Variants in RSRC1 observed in about 807,000 individuals in gnomAD.
RSRC1 encodes arginine and serine rich coiled-coil 1, also known as serine/Arginine-related protein 53.
Under a neutral mutation model 49.1 loss-of-function variants are expected in RSRC1, and 39 were observed. That is an observed-to-expected ratio of 0.79 (90% confidence interval 0.61 to 1.04). The LOEUF (loss-of-function observed/expected upper bound fraction) is 1.04, where lower values mean the gene tolerates loss of function less well. Among genes scored for constraint, RSRC1 ranks in the 50% least tolerant of loss-of-function variants. RSRC1 has a pLI of 0.00. For synonymous variants in RSRC1, 143 were observed against 130.8 expected (o/e 1.09, Z -0.63); for missense variants, 388 against 402.4 (o/e 0.96, Z 0.31).
At chr3:158,302,666 C>CTTTTTTTTTTTTTTT (rs1559983974) in intron 5 of RSRC1, 1 of 39,256 alleles carries the variant, frequency 2.5e-5, no homozygotes, top group Non-Finnish European at 4.6e-5. Context: ...CTTTTTTCTT[C>CTTTTTTTTTTTTTTT]CTTTTTTTTT....
intron 3 of RSRC1, among the ~76,000 whole-genome samples, chr3:158,147,843 A>T (rs921301630): frequency 2.0e-5 from 3 of 152,218 alleles, no homozygotes; most frequent in African/African-American, 7.2e-5. Context: ...CTGTTTATGT[A>T]GTCTAGCAGT....
chr3:158,286,858 G>A (rs1292632390), intron 4 of RSRC1, among the ~76,000 whole-genome samples: 1 of 152,088 alleles, frequency 6.6e-6, no homozygotes, highest in East Asian at 1.9e-4. Flanking sequence ...TGCACTTTTC[G>A]CTCTGTCACC....
intron 5 of RSRC1, among the ~76,000 whole-genome samples, chr3:158,301,289 T>A (rs73166394): frequency 0.12 from 18,374 of 152,172 alleles, 1,381 homozygotes; most frequent in Middle Eastern, 0.2. Context: ...CTGTTATCCA[T>A]TGATGATTCT....
At chr3:158,256,273 GC>G (rs2108024081) in intron 4 of RSRC1, among the ~76,000 whole-genome samples, 1 of 152,198 alleles carries the variant, frequency 6.6e-6, no homozygotes, top group Non-Finnish European at 1.5e-5. Flanking sequence ...AGCATGAAGG[GC>G]TGTTGAATTT....
chr3:158,467,774 T>C (rs1737953733), intron 7 of RSRC1, among the ~76,000 whole-genome samples: 1 of 152,204 alleles, frequency 6.6e-6, no homozygotes, highest in African/African-American at 2.4e-5. Context: ...TTTCACTAGA[T>C]TGACGTTATT....
chr3:158,162,148 A>G (rs560955252), intron 3 of RSRC1, among the ~76,000 whole-genome samples: 2 of 152,322 alleles, frequency 1.3e-5, no homozygotes, highest in Admixed American at 6.5e-5. Flanking sequence ...AAGAAAATAC[A>G]ACTGATAAAC....
intron 6 of RSRC1, among the ~76,000 whole-genome samples, chr3:158,438,571 G>A (rs1485803732): frequency 6.6e-6 from 1 of 152,152 alleles, no homozygotes; most frequent in Non-Finnish European, 1.5e-5. Flanking sequence ...AATGGGGAAA[G>A]GATTCCCTAT....
intron 4 of RSRC1, among the ~76,000 whole-genome samples, chr3:158,238,377 A>G (rs1317840205): frequency 6.6e-6 from 1 of 152,204 alleles, no homozygotes; most frequent in African/African-American, 2.4e-5. Flanking sequence ...TTTAAAGTTC[A>G]TATGGAACCA....
At chr3:158,511,455 T>A (rs1254477374) in intron 7 of RSRC1, among the ~76,000 whole-genome samples, 1 of 152,224 alleles carries the variant, frequency 6.6e-6, no homozygotes, top group Non-Finnish European at 1.5e-5. Context: ...CATGAACTCA[T>A]CATTTTTTAT....
At chr3:158,234,285 A>T (rs1313629858) in intron 4 of RSRC1, among the ~76,000 whole-genome samples, 1 of 152,156 alleles carries the variant, frequency 6.6e-6, no homozygotes, top group Non-Finnish European at 1.5e-5. Context: ...TTTAGTAATG[A>T]AGACAGAGTT....
At chr3:158,256,664 C>A (rs976597309) in intron 4 of RSRC1, among the ~76,000 whole-genome samples, 14 of 152,094 alleles carry the variant, frequency 9.2e-5, no homozygotes, top group African/African-American at 2.9e-4. Context: ...ACTCTTTGTA[C>A]CTCTAGTAGA....
At chr3:158,204,955 C>T (rs549465860) in intron 4 of RSRC1, among the ~76,000 whole-genome samples, 1 of 152,216 alleles carries the variant, frequency 6.6e-6, no homozygotes, top group South Asian at 2.1e-4. Flanking sequence ...AAAGGGTTCT[C>T]ATATGGTAAC....
chr3:158,366,803 G>T (rs1449376805), intron 6 of RSRC1, among the ~76,000 whole-genome samples: 3 of 152,030 alleles, frequency 2.0e-5, no homozygotes, highest in African/African-American at 7.2e-5. Flanking sequence ...TTTCCCATTG[G>T]TTTGTGTCCT....
intron 7 of RSRC1, among the ~76,000 whole-genome samples, chr3:158,464,856 TGTAGCTGATAA>T (rs941853564): frequency 1.3e-3 from 194 of 152,238 alleles, no homozygotes; most frequent in African/African-American, 4.6e-3. Context: ...TAGCTTGCTC[TGTAGCTGATAA>T]GTGGTGAAGC....
intron 7 of RSRC1, among the ~76,000 whole-genome samples, chr3:158,462,448 C>T (rs1254933508): frequency 6.6e-6 from 1 of 151,770 alleles, no homozygotes; most frequent in Non-Finnish European, 1.5e-5. Context: ...GTACTTATGA[C>T]CAAGCAATAC....
chr3:158,401,450 G>A (rs913195424), intron 6 of RSRC1, among the ~76,000 whole-genome samples: 6 of 151,962 alleles, frequency 3.9e-5, no homozygotes, highest in Non-Finnish European at 8.8e-5. Context: ...GCGATAGGAC[G>A]GAGAAACGTC....
chr3:158,507,631 T>A (rs933340776), intron 7 of RSRC1, among the ~76,000 whole-genome samples: 14 of 152,284 alleles, frequency 9.2e-5, no homozygotes, highest in African/African-American at 3.4e-4. Context: ...ATGGCCTGTC[T>A]TATGTATGAA....
At chr3:158,462,816 A>G (rs1483379850) in intron 7 of RSRC1, among the ~76,000 whole-genome samples, 2 of 152,018 alleles carry the variant, frequency 1.3e-5, no homozygotes, top group African/African-American at 2.4e-5. Context: ...ACTAAATCAC[A>G]CTGACCTTAT....
intron 6 of RSRC1, among the ~76,000 whole-genome samples, chr3:158,425,366 C>G (rs1735358459): frequency 6.6e-6 from 1 of 152,066 alleles, no homozygotes; most frequent in Non-Finnish European, 1.5e-5. Context: ...GCAGGTTGTT[C>G]AGTTTCCATG....
Sources: allele counts gnomAD v4.1 joint callset (sites outside exome capture counted in the v4.1 genomes callset), GRCh38; gene constraint gnomAD v4.1.1; transcripts MANE v1.5; gene names NCBI Gene and HGNC (gene_info 2026-07-23, HGNC 2026-07-21).